Variants in DNAJC6 observed in about 807,000 individuals in gnomAD.
DNAJC6 encodes the protein DnaJ heat shock protein family (Hsp40) member C6, also known as auxilin.
DNAJC6 carries 34 observed loss-of-function variants against 110.0 expected under a neutral mutation model. The ratio of observed to expected loss-of-function variants is 0.31; its 90% CI spans 0.24 to 0.41. The LOEUF (loss-of-function observed/expected upper bound fraction) is 0.41. DNAJC6 is among the 10% of genes least tolerant of loss of function. DNAJC6 has a pLI of 1.00. For synonymous variants in DNAJC6, 406 were observed against 437.2 expected (o/e 0.93, Z 0.89); for missense variants, 1,031 against 1,207.8 (o/e 0.85, Z 2.17).
At chr1:65,376,085 G>A (rs1645763969) in intron 4 of DNAJC6, among the ~76,000 whole-genome samples, 1 of 152,032 alleles carries the variant, frequency 6.6e-6, no homozygotes, top group Non-Finnish European at 1.5e-5. Context: ...GGTTTGTTGA[G>A]GTTTTCTATT....
chr1:65,409,877 G>A (rs1646112321), intron 17 of DNAJC6, among the ~76,000 whole-genome samples: 2 of 152,062 alleles, frequency 1.3e-5, no homozygotes, highest in Non-Finnish European at 1.5e-5. Flanking sequence ...GTTTTAGCAT[G>A]TTTCAGCATT....
At chr1:65,316,337 A>G (rs935203887) in intron 1 of DNAJC6, among the ~76,000 whole-genome samples, 1 of 152,140 alleles carries the variant, frequency 6.6e-6, no homozygotes, top group East Asian at 1.9e-4. Flanking sequence ...TTTCCAGGTT[A>G]TCTCCTATTC....
At chr1:65,326,438 A>G (rs1645242443) in intron 1 of DNAJC6, among the ~76,000 whole-genome samples, 1 of 152,228 alleles carries the variant, frequency 6.6e-6, no homozygotes, top group South Asian at 2.1e-4. Flanking sequence ...TAAAGTTGGA[A>G]AGAGTATTTT....
In DNAJC6 at chr1:65,379,619, T is replaced by C. The variant is rs76501377; in HGVS notation, c.666+95T>C. The stretch of plus-strand genomic sequence containing the variant: ...GTAGACAGGTAACATTTGAGTTCAA[T>C]AGGATTTACTGAGCCCATATTTAGG... On this transcript the variant is annotated intron_variant, in intron 5 of 18. Transcript: ENST00000371069. The C allele has an allele frequency of 3.8e-4, 571 of 1,487,632 alleles. 10 individuals are homozygous for C. The East Asian group carries it at 0.013, about 34-fold the overall frequency. 92.2% of individuals were successfully genotyped at this position (1,487,632 alleles called of 1,614,324 possible).
At chr1:65,315,164 G>T (rs1027355201) in intron 1 of DNAJC6, among the ~76,000 whole-genome samples, 9 of 152,116 alleles carry the variant, frequency 5.9e-5, no homozygotes, top group Non-Finnish European at 1.2e-4. Context: ...TTGAGAACAG[G>T]TACTAATTCT....
At chr1:65,329,631 C>A (rs1645269675) in intron 1 of DNAJC6, among the ~76,000 whole-genome samples, 1 of 152,020 alleles carries the variant, frequency 6.6e-6, no homozygotes, top group Non-Finnish European at 1.5e-5. Context: ...GAAATAGATT[C>A]AAATCCAAAA....
intron 1 of DNAJC6, among the ~76,000 whole-genome samples, chr1:65,328,285 A>G (rs1302717394): frequency 6.6e-6 from 1 of 152,248 alleles, no homozygotes; most frequent in African/African-American, 2.4e-5. Context: ...TATATTTCAT[A>G]ACTACAGTTT....
chr1:65,278,875 T>G, intron 1 of DNAJC6: 1 of 779,866 alleles, frequency 1.3e-6, no homozygotes, highest in South Asian at 5.8e-5. Flanking sequence ...TGGGGAAGAA[T>G]CTGGCATGCG....
At chr1:65,410,908 C>T (rs183133704) in intron 17 of DNAJC6, among the ~76,000 whole-genome samples, 1 of 152,106 alleles carries the variant, frequency 6.6e-6, no homozygotes, top group Non-Finnish European at 1.5e-5. Flanking sequence ...AAGTTTGGCC[C>T]TTTTTTAAGG....
At position 65,326,544 on chromosome 1, in the gene DNAJC6, A is replaced by G. The variant is rs141037879; in HGVS notation, c.193+16606A>G. ...TCTATTTAAAACATATTACTTAAAA[A>G]CCAAAGGAAGGTAGTTGTCATAAAG... On this transcript the variant is annotated intron_variant, in intron 1 of 18. Transcript: ENST00000371069. Among the ~76,000 whole-genome samples the G allele has an allele frequency of 3.9e-3, 598 of 152,300 alleles. 3 individuals are homozygous for G. The highest frequency in any genetic ancestry group is 0.014 in the Middle Eastern group (4 of 294).
At chr1:65,330,348 C>T (rs972067318) in intron 1 of DNAJC6, among the ~76,000 whole-genome samples, 4 of 152,130 alleles carry the variant, frequency 2.6e-5, no homozygotes, top group African/African-American at 9.7e-5. Context: ...CCATATTCTG[C>T]CTTTCTTTTT....
intron 1 of DNAJC6, among the ~76,000 whole-genome samples, chr1:65,318,785 T>A (rs1293459324): frequency 2.0e-5 from 3 of 152,186 alleles, no homozygotes; most frequent in African/African-American, 7.2e-5. Context: ...TGGGTTGGTC[T>A]GTGCAGCAAA....
chr1:65,282,714 G>A (rs1008382920), intron 1 of DNAJC6, among the ~76,000 whole-genome samples: 6 of 152,168 alleles, frequency 3.9e-5, no homozygotes, highest in Admixed American at 2.0e-4. Context: ...GTGTTCCTAA[G>A]GAAAGTATAA....
At chr1:65,375,170 G>A (rs762850246) in intron 4 of DNAJC6, among the ~76,000 whole-genome samples, 2 of 151,958 alleles carry the variant, frequency 1.3e-5, no homozygotes, top group Non-Finnish European at 2.9e-5. Flanking sequence ...CACCATGTTG[G>A]CCATGGCTGG....
At chr1:65,396,039 C>G (rs1465472760) in intron 13 of DNAJC6, among the ~76,000 whole-genome samples, 1 of 152,144 alleles carries the variant, frequency 6.6e-6, no homozygotes. Flanking sequence ...CTTTGGGAAA[C>G]CATGCCAATG....
At chr1:65,409,981 G>C (rs1371702364) in intron 17 of DNAJC6, among the ~76,000 whole-genome samples, 2 of 152,160 alleles carry the variant, frequency 1.3e-5, no homozygotes, top group Admixed American at 6.5e-5. Flanking sequence ...ATGTTGTATG[G>C]ACAGGCGGAT....
chr1:65,296,049 T>A (rs1439790678), intron 1 of DNAJC6, among the ~76,000 whole-genome samples: 1 of 152,240 alleles, frequency 6.6e-6, no homozygotes, highest in Non-Finnish European at 1.5e-5. Context: ...TAATTTGCAG[T>A]CTTCTGCCTT....
intron 1 of DNAJC6, among the ~76,000 whole-genome samples, chr1:65,325,863 T>G (rs1215278387): frequency 6.6e-6 from 1 of 152,244 alleles, no homozygotes; most frequent in African/African-American, 2.4e-5. Context: ...GTATAGCATG[T>G]TACTGTACTG....
At chr1:65,327,260 C>A (rs1196536510) in intron 1 of DNAJC6, among the ~76,000 whole-genome samples, 1 of 151,752 alleles carries the variant, frequency 6.6e-6, no homozygotes, top group East Asian at 1.9e-4. Context: ...TTCATTCATT[C>A]GTTTAGACAG....
Sources: allele counts gnomAD v4.1 joint callset (sites outside exome capture counted in the v4.1 genomes callset), GRCh38; gene constraint gnomAD v4.1.1; transcripts MANE v1.5; gene names NCBI Gene and HGNC (gene_info 2026-07-23, HGNC 2026-07-21).